Variants in RNF220 observed in about 807,000 individuals in gnomAD.
The protein encoded by RNF220 is E3 ubiquitin-protein ligase RNF220.
In RNF220, 7 loss-of-function variants were observed where a neutral mutation model predicts 67.1. The ratio of observed to expected loss-of-function variants is 0.10; its 90% confidence interval spans 0.06 to 0.20. The LOEUF is 0.20. Among genes scored for constraint, RNF220 ranks in the 10% least tolerant of loss-of-function variants. The probability of loss-of-function intolerance (pLI) is 1.00; values close to 1 mark genes in which losing one functional copy is unlikely to be tolerated. For missense variants in RNF220, 565 were observed against 740.3 expected (o/e 0.76, Z 2.75); for synonymous variants, 270 against 283.2 (o/e 0.95, Z 0.47).
At chr1:44,413,137 A>G (rs993169739) in intron 2 of RNF220, among the ~76,000 whole-genome samples, 6 of 151,948 alleles carry the variant, frequency 3.9e-5, no homozygotes, top group Non-Finnish European at 5.9e-5. Flanking sequence ...TCTCAGTGTT[A>G]TTTTTTAGCT....
chr1:44,651,386 C>T lies in RNF220; in HGVS notation c.*611C>T, dbSNP rs1372582935. Reference sequence around the variant, plus strand: ...GTGTTCAGTGGTGTATATTTCTTCTCCCAGACATGGGGCACACGCCCCAAG... The same window carrying T: ...GTGTTCAGTGGTGTATATTTCTTCTTCCAGACATGGGGCACACGCCCCAAG... On this transcript the variant is annotated 3_prime_UTR_variant, in exon 15 of 15. Coordinates refer to ENST00000361799, the MANE Select transcript of RNF220 (RefSeq NM_018150.4). 6.3e-6 allele frequency: 1 copy of T among 158,590 alleles called. No individual in the cohort carries two copies. The highest frequency in any genetic ancestry group is 2.4e-5 in the African/African-American group (1 of 41,570). The allele number at this position is 158,590 out of a possible 1,614,324, so 9.8% of individuals were successfully genotyped here.
chr1:44,603,770 T>C (rs1177187060), intron 2 of RNF220, among the ~76,000 whole-genome samples: 1 of 152,238 alleles, frequency 6.6e-6, no homozygotes, highest in Non-Finnish European at 1.5e-5. Context: ...TCTGGGTCTC[T>C]TAACCCCTCA....
At chr1:44,475,611 C>T (rs1316665770) in intron 2 of RNF220, among the ~76,000 whole-genome samples, 1 of 150,576 alleles carries the variant, frequency 6.6e-6, no homozygotes, top group Non-Finnish European at 1.5e-5. Context: ...GTATATATCT[C>T]TGTTTAATGA....
intron 8 of RNF220, among the ~76,000 whole-genome samples, chr1:44,642,489 T>C (rs373388176): frequency 1.8e-4 from 28 of 152,082 alleles, no homozygotes; most frequent in African/African-American, 6.5e-4. Flanking sequence ...GCATGTATAT[T>C]GTAGACCAGG....
intron 8 of RNF220, chr1:44,638,147 A>AGTTAG (rs1477553264): frequency 2.0e-5 from 3 of 152,304 alleles, no homozygotes; most frequent in Non-Finnish European, 4.4e-5. Flanking sequence ...CTCCCTGGCC[A>AGTTAG]GGACTGATAG....
At chr1:44,514,649 C>T (rs573659212) in intron 2 of RNF220, among the ~76,000 whole-genome samples, 2 of 152,268 alleles carry the variant, frequency 1.3e-5, no homozygotes, top group African/African-American at 4.8e-5. Flanking sequence ...ATGGACTAAG[C>T]TAAGAACTAG....
At chr1:44,632,548 C>T (rs1313458391) in intron 6 of RNF220, 163 bp downstream of exon 6, 2 of 702,978 alleles carry the variant, frequency 2.8e-6, no homozygotes, top group Non-Finnish European at 4.9e-6. Flanking sequence ...CTGCCGCTCT[C>T]AGTTTCCCCG....
chr1:44,501,581 TGCGG>T (rs1283450069), intron 2 of RNF220, among the ~76,000 whole-genome samples: 3,826 of 152,170 alleles, frequency 0.025, 141 homozygotes, highest in African/African-American at 0.088. Context: ...AGGAAAGCAA[TGCGG>T]CCAAGCAGGA....
intron 2 of RNF220, among the ~76,000 whole-genome samples, chr1:44,567,245 T>G (rs1201734952): frequency 6.6e-6 from 1 of 151,992 alleles, no homozygotes; most frequent in Non-Finnish European, 1.5e-5. Context: ...GAGTGTTGTT[T>G]TGAGCAAAAC....
chr1:44,413,656 GTGT>G (rs2147810076), intron 2 of RNF220, among the ~76,000 whole-genome samples: 1 of 152,254 alleles, frequency 6.6e-6, no homozygotes, highest in East Asian at 1.9e-4. Flanking sequence ...TGAACTGAGG[GTGT>G]TTTTTCCACG....
chr1:44,557,192 A>ATT (rs994810177), intron 2 of RNF220, among the ~76,000 whole-genome samples: 3 of 139,050 alleles, frequency 2.2e-5, no homozygotes, highest in African/African-American at 8.9e-5. Context: ...TATAATATAT[A>ATT]TTTTATATAT....
chr1:44,458,968 G>A (rs377241452), intron 2 of RNF220, among the ~76,000 whole-genome samples: 1 of 152,216 alleles, frequency 6.6e-6, no homozygotes, highest in African/African-American at 2.4e-5. Context: ...TTGGACGACA[G>A]CCTCTACCTT....
chr1:44,507,444 C>G (rs1282538788), intron 2 of RNF220, among the ~76,000 whole-genome samples: 1 of 151,400 alleles, frequency 6.6e-6, no homozygotes, highest in African/African-American at 2.4e-5. Context: ...AGGAGAAATG[C>G]TGCGGTGATT....
chr1:44,643,413 C>T (rs751014791), intron 8 of RNF220: 1 of 152,152 alleles, frequency 6.6e-6, no homozygotes, highest in Admixed American at 6.6e-5. Context: ...TAGTAGAGAG[C>T]AAGAGTAAAG....
At position 44,649,949 on chromosome 1, in the gene RNF220, C is replaced by A; in HGVS notation, c.1621C>A (p.Arg541=). ...WHVHCEECWL[R]TLGAKKLCPQ... Reference sequence around the variant, plus strand: ...CGTGCACTGCGAGGAGTGCTGGCTGCGGACCCTGGTGAGGTGGCATGGGGG... The same window carrying A: ...CGTGCACTGCGAGGAGTGCTGGCTGAGGACCCTGGTGAGGTGGCATGGGGG... The change falls in exon 14 of 15, where the codon CGG becomes AGG. Residue 541 remains arginine, a synonymous_variant. Transcript: ENST00000361799. The surrounding 1 kb of genome is among the most constrained non-coding windows in gnomAD (Gnocchi z 5.9). 1 of 1,613,620 alleles carries A rather than the reference C, an allele frequency of 6.2e-7. No individual in the cohort carries two copies. The highest frequency in any genetic ancestry group is 8.5e-7 in the Non-Finnish European group (1 of 1,179,874).
rs187758865 is a variant in RNF220, at chr1:44,417,271, G to T, written c.625+4549G>T. The stretch of plus-strand genomic sequence containing the variant: ...CCGGGTTCTCCCCTACTCCCCGGGG[G>T]CAAGAACTCCTGTGATGTGTGTGGT... On this transcript the variant is annotated intron_variant, in intron 2 of 14. Coordinates refer to ENST00000361799, the MANE Select transcript of RNF220 (RefSeq NM_018150.4). This position sits in a 1 kb window ranked among gnomAD's most constrained non-coding sequence, Gnocchi z 4.0. 6.6e-6 allele frequency among the ~76,000 whole-genome samples: 1 copy of T among 152,194 alleles called. No homozygotes were observed. The highest frequency in any genetic ancestry group is 1.5e-5 in the Non-Finnish European group (1 of 68,044).
chr1:44,636,450 G>A (rs1229858121), intron 8 of RNF220: 5 of 717,574 alleles, frequency 7.0e-6, no homozygotes, highest in Admixed American at 2.0e-5. Context: ...GCCAAGCCGC[G>A]TTAGCACCTG....
chr1:44,441,425 G>A (rs1469627833), intron 2 of RNF220, among the ~76,000 whole-genome samples: 1 of 152,174 alleles, frequency 6.6e-6, no homozygotes. Context: ...GCTGGCATGA[G>A]TGAATGGCTA....
chr1:44,502,063 A>ACT (rs1054857609), intron 2 of RNF220, among the ~76,000 whole-genome samples: 2 of 85,854 alleles, frequency 2.3e-5, no homozygotes, highest in African/African-American at 1.0e-4. Flanking sequence ...ACACACACAC[A>ACT]CACACACACA....
Sources: allele counts gnomAD v4.1 joint callset (sites outside exome capture counted in the v4.1 genomes callset), GRCh38; gene constraint gnomAD v4.1.1; non-coding constraint Gnocchi (gnomAD v3.1); transcripts MANE v1.5; gene names NCBI Gene and HGNC (gene_info 2026-07-23, HGNC 2026-07-21).